Variants in ETV1 observed in about 807,000 individuals in gnomAD.
ETV1 encodes the protein ETS variant transcription factor 1, also known as ETS translocation variant 1.
ETV1 carries 27 observed loss-of-function variants against 62.3 expected under a neutral mutation model. That is an observed-to-expected ratio of 0.43 (90% CI 0.32 to 0.60). The LOEUF (loss-of-function observed/expected upper bound fraction) is 0.60, where lower values mean the gene tolerates loss of function less well. Ranked by LOEUF, ETV1 falls within the 20% of genes least tolerant of loss-of-function variation. ETV1 has a pLI of 0.06. For synonymous variants in ETV1, 222 were observed against 199.6 expected, an observed-to-expected ratio of 1.11 and a Z score of -0.94; for missense variants, 605 against 605.8, an observed-to-expected ratio of 1.00 and a Z score of 0.01.
At chr7:13,960,133 C>G (rs1403618609) in intron 6 of ETV1, among the ~76,000 whole-genome samples, 1 of 152,084 alleles carries the variant, frequency 6.6e-6, no homozygotes, top group South Asian at 2.1e-4. Context: ...GTGTTCACCT[C>G]TTAGAGAACA....
intron 12 of ETV1, among the ~76,000 whole-genome samples, chr7:13,901,287 A>T (rs1444613187): frequency 6.6e-6 from 1 of 152,206 alleles, no homozygotes; most frequent in Non-Finnish European, 1.5e-5. Flanking sequence ...TTACAGGAGT[A>T]AGCCACTGCG....
intron 6 of ETV1, among the ~76,000 whole-genome samples, chr7:13,964,151 T>G (rs1159273935): frequency 6.6e-6 from 1 of 152,102 alleles, no homozygotes; most frequent in African/African-American, 2.4e-5. Flanking sequence ...ATCAACATAA[T>G]AAGGCTGTTG....
intron 6 of ETV1, among the ~76,000 whole-genome samples, chr7:13,964,678 C>T (rs76208172): frequency 0.011 from 1,598 of 152,064 alleles, 37 homozygotes; most frequent in African/African-American, 0.037. Context: ...AAATACCCTT[C>T]TGAATAACAA....
chr7:13,970,812 C>T (rs2128493144), intron 6 of ETV1, among the ~76,000 whole-genome samples: 1 of 152,052 alleles, frequency 6.6e-6, no homozygotes, highest in Admixed American at 6.5e-5. Context: ...TGATCCTGGA[C>T]AGGTACGTGT....
chr7:13,921,781 G>C (rs561863093), intron 9 of ETV1, among the ~76,000 whole-genome samples: 1 of 152,280 alleles, frequency 6.6e-6, no homozygotes, highest in South Asian at 2.1e-4. Flanking sequence ...AGGCAGGTGG[G>C]AGATGAACCC....
chr7:13,940,030 T>C (rs1167093375), intron 6 of ETV1, among the ~76,000 whole-genome samples: 1 of 151,974 alleles, frequency 6.6e-6, no homozygotes, highest in Non-Finnish European at 1.5e-5. Context: ...AAAATACGTA[T>C]ATGGGGAGGG....
chr7:13,956,147 T>C (rs1021332905), intron 6 of ETV1, among the ~76,000 whole-genome samples: 4 of 152,170 alleles, frequency 2.6e-5, no homozygotes, highest in African/African-American at 7.2e-5. Context: ...TAGCCGAAAA[T>C]ATAAAATCAA....
At position 13,939,244 on chromosome 7, in the gene ETV1, C is replaced by A. The variant is rs1246463552; in HGVS notation, c.238G>T (p.Ala80Ser). Residue 80 changes from alanine to serine, a missense_variant and splice_region_variant, in exon 7 of 14, where the codon GCT becomes TCT. Ala to Ser is a moderately conservative substitution (Grantham distance 99). Around this residue, in one of 3 missense-constraint regions of ETV1, gnomAD observed 426 missense variants for 377.8 expected, o/e 1.13. Transcript: ENST00000430479. ...ATTTTCAGTGGCAGGCCATGAAAAG[C>A]CACTAGAAAAAAGAACAAAAATATC... ...FVPDYQAESL[A>S]FHGLPLKIKK... The A allele has an allele frequency of 6.3e-7, 1 of 1,599,958 alleles. No homozygotes were observed. Among genetic ancestry groups the A allele is most frequent in the East Asian group, 2.2e-5 (1 of 44,636 alleles).
Position 13,894,187 on chromosome 7 carries a change from CT to C in ETV1, c.*1678del. 1 of 225,966 alleles carries C rather than the reference CT, an allele frequency of 4.4e-6. No individual in the cohort carries two copies. Among genetic ancestry groups the C allele is most frequent in the South Asian group, 1.9e-4 (1 of 5,328 alleles). The allele number at this position is 225,966 out of a possible 1,614,324, so 14.0% of individuals were successfully genotyped here. A position where few individuals can be genotyped will look rare whatever the true frequency, so the allele number is the denominator to read the frequency against. On this transcript the variant is annotated 3_prime_UTR_variant, in exon 14 of 14. Coordinates refer to ENST00000430479, the MANE Select transcript of ETV1 (RefSeq NM_004956.5). ...TTTTTTTTGCTTTTTGCTATAGACT[CT>C]TTAAAAAAGTTGTTCTTCTGGATAT... is the stretch of plus-strand genomic sequence containing the variant.
At chr7:13,947,795 C>T (rs191659050) in intron 6 of ETV1, among the ~76,000 whole-genome samples, 16 of 152,254 alleles carry the variant, frequency 1.1e-4, no homozygotes, top group Admixed American at 3.3e-4. Context: ...CCAGACACTA[C>T]GGCAGGTCCT....
chr7:13,975,777 A>C (rs1781395328), intron 6 of ETV1, among the ~76,000 whole-genome samples: 1 of 152,116 alleles, frequency 6.6e-6, no homozygotes, highest in African/African-American at 2.4e-5. Flanking sequence ...ATATTCAATA[A>C]GAAAAGCTGA....
At chr7:13,908,616 G>A (rs1783224994) in intron 11 of ETV1, among the ~76,000 whole-genome samples, 1 of 151,806 alleles carries the variant, frequency 6.6e-6, no homozygotes, top group African/African-American at 2.4e-5. Flanking sequence ...AATGAATTTA[G>A]AAATCTAAAG....
chr7:13,983,085 G>A (rs1347255093), intron 5 of ETV1, among the ~76,000 whole-genome samples: 1 of 147,170 alleles, frequency 6.8e-6, no homozygotes, highest in African/African-American at 2.7e-5. Context: ...TAGAAAGGTT[G>A]TTCTTGCAGA....
chr7:13,960,035 C>T (rs900426708), intron 6 of ETV1, among the ~76,000 whole-genome samples: 3 of 151,470 alleles, frequency 2.0e-5, no homozygotes, highest in African/African-American at 4.8e-5. Flanking sequence ...AGAGCAGGCT[C>T]TTTCACAGAT....
chr7:13,898,403 T>C (rs1341813508), intron 13 of ETV1, among the ~76,000 whole-genome samples: 2 of 152,182 alleles, frequency 1.3e-5, no homozygotes, highest in African/African-American at 2.4e-5. Context: ...ATCAATTAAG[T>C]TAAAACAAAG....
chr7:13,915,383 A>G (rs1343536442), intron 9 of ETV1, among the ~76,000 whole-genome samples: 2 of 152,210 alleles, frequency 1.3e-5, no homozygotes, highest in African/African-American at 4.8e-5. Context: ...CTAGTTTTTC[A>G]AAAACATTTG....
chr7:13,935,554 T>C (rs1020942455), intron 8 of ETV1, among the ~76,000 whole-genome samples, 154 bp downstream of exon 8: 3 of 152,226 alleles, frequency 2.0e-5, no homozygotes, highest in African/African-American at 7.2e-5. Context: ...ATTATAAGTA[T>C]AGATAGAGTG....
Position 13,986,601 on chromosome 7 carries a change from G to T in ETV1, c.181+37C>A, listed in dbSNP as rs753403190. The T allele has an allele frequency of 3.1e-6, 5 of 1,608,358 alleles. No individual in the cohort carries two copies. The Admixed American group carries it at 8.4e-5, about 27-fold the overall frequency. On this transcript the variant is annotated intron_variant, in intron 5 of 13. Transcript: ENST00000430479. Reference sequence around the variant, plus strand: ...GACTTCTTTTCTTTCTCCTTCTAGAGTTGCTTTCCCCCCTTTTAAAGCAAA... The same window carrying T: ...GACTTCTTTTCTTTCTCCTTCTAGATTTGCTTTCCCCCCTTTTAAAGCAAA...
At chr7:13,964,608 T>C (rs1790566634) in intron 6 of ETV1, among the ~76,000 whole-genome samples, 2 of 152,152 alleles carry the variant, frequency 1.3e-5, no homozygotes, top group South Asian at 2.1e-4. Flanking sequence ...AAATATTGAA[T>C]TGAAGTCATT....
Sources: allele counts gnomAD v4.1 joint callset (sites outside exome capture counted in the v4.1 genomes callset), GRCh38; gene constraint gnomAD v4.1.1; regional missense constraint gnomAD v4.1.1; transcripts MANE v1.5; gene names NCBI Gene and HGNC (gene_info 2026-07-23, HGNC 2026-07-21).